Variants in SPTBN2 observed in about 807,000 individuals in gnomAD.
The protein encoded by SPTBN2 is spectrin beta, non-erythrocytic 2, also known as spectrin beta chain, non-erythrocytic 2.
Under a neutral mutation model 284.2 loss-of-function variants are expected in SPTBN2, and 107 were observed. The observed-to-expected ratio is 0.38, with a 90% confidence interval of 0.32 to 0.44. The LOEUF is 0.44. SPTBN2 is among the 20% of genes least tolerant of loss of function. The pLI, the probability that SPTBN2 is intolerant of heterozygous loss-of-function variation, is 1.00. For synonymous variants in SPTBN2, 1,289 were observed against 1,354.8 expected (o/e 0.95, Z 1.07); for missense variants, 2,569 against 3,287.1 (o/e 0.78, Z 5.34).
At chr11:66,728,542 T>C (rs1419134700) in intron 1 of SPTBN2, 199 bp downstream of exon 1, 2 of 150,238 alleles carry the variant, frequency 1.3e-5, no homozygotes, top group East Asian at 4.0e-4. Context: ...GAGGCCCCTC[T>C]CGGTGCTCCC....
At chr11:66,742,766 C>T (rs1018299008) in intron 1 of SPTBN2, among the ~76,000 whole-genome samples, 16 of 152,200 alleles carry the variant, frequency 1.1e-4, no homozygotes, top group East Asian at 7.7e-4. Flanking sequence ...CATGCCAACA[C>T]GCCTGGCTAA....
In SPTBN2 at chr11:66,690,299, T is replaced by C. The variant is rs565636628; in HGVS notation, c.5566-16A>G. 6.3e-7 allele frequency: 1 copy of C among 1,596,836 alleles called. No homozygotes were observed. Among genetic ancestry groups the C allele is most frequent in the African/African-American group, 1.3e-5 (1 of 74,652 alleles). Reference sequence around the variant, plus strand: ...CCTGCTGGACCTGCGGAGCCCCGGGTCAGAGTCAGGCAGAGCGGGGGACTC... The same window carrying C: ...CCTGCTGGACCTGCGGAGCCCCGGGCCAGAGTCAGGCAGAGCGGGGGACTC... On this transcript the variant is annotated splice_polypyrimidine_tract_variant and intron_variant, in intron 27 of 37. Transcript: ENST00000533211.
chr11:66,694,457 G>T, intron 21 of SPTBN2, 94 bp from the exon 22 acceptor site: 2 of 1,320,754 alleles, frequency 1.5e-6, no homozygotes, highest in Non-Finnish European at 2.1e-6. Context: ...GCCCACTGTG[G>T]CTGCTCATCA....
Position 66,715,095 on chromosome 11 carries a change from T to A in SPTBN2, c.483+127A>T, listed in dbSNP as rs1942076041. On this transcript the variant is annotated intron_variant, in intron 5 of 37. Coordinates refer to ENST00000533211, the MANE Select transcript of SPTBN2 (RefSeq NM_006946.4). This position sits in a 1 kb window ranked among gnomAD's most constrained non-coding sequence, Gnocchi z 5.3. ...ATCTGGTGCTTGGATAGCGCCGCCATGGCAGCTGCTACATAAGGTTCTAGA... is the reference window on the plus strand; with the variant it reads ...ATCTGGTGCTTGGATAGCGCCGCCAAGGCAGCTGCTACATAAGGTTCTAGA... 8.2e-7 allele frequency: 1 copy of A among 1,223,276 alleles called. No homozygotes were observed. Among genetic ancestry groups the A allele is most frequent in the African/African-American group, 1.5e-5 (1 of 66,980 alleles). 75.8% of individuals were successfully genotyped at this position (1,223,276 alleles called of 1,614,324 possible). A position where few individuals can be genotyped will look rare whatever the true frequency, so the allele number is the denominator to read the frequency against.
At chr11:66,722,769 T>G (rs1942476983) in intron 1 of SPTBN2, among the ~76,000 whole-genome samples, 1 of 151,582 alleles carries the variant, frequency 6.6e-6, no homozygotes, top group South Asian at 2.1e-4. Context: ...AGCACACGAC[T>G]GTAGTCCTAG....
chr11:66,694,461 C>A, intron 21 of SPTBN2, 98 bp from the exon 22 acceptor site: 1 of 1,246,124 alleles, frequency 8.0e-7, no homozygotes, highest in Non-Finnish European at 1.1e-6. Context: ...ACTGTGGCTG[C>A]TCATCACTGC....
chr11:66,735,598 G>A (rs2135608440), intron 1 of SPTBN2, among the ~76,000 whole-genome samples: 1 of 152,280 alleles, frequency 6.6e-6, no homozygotes, highest in South Asian at 2.1e-4. Context: ...TATGGTCCCA[G>A]ATACTTGGGT....
intron 8 of SPTBN2, chr11:66,712,579 T>TGATCTCATC (rs1327666429): frequency 6.6e-6 from 1 of 151,368 alleles, no homozygotes; most frequent in East Asian, 1.9e-4. Flanking sequence ...TGGCTGTTAC[T>TGATCTCATC]GATCTCATCG....
chr11:66,743,554 A>G (rs150852728), intron 1 of SPTBN2, among the ~76,000 whole-genome samples: 2,031 of 152,326 alleles, frequency 0.013, 21 homozygotes, highest in Non-Finnish European at 0.019. Context: ...TCAGATCACC[A>G]GCAGTTATAG....
chr11:66,715,884 G>A lies in SPTBN2; in HGVS notation c.255C>T (p.Leu85=), dbSNP rs1196818691. ...TCRVGDLYSD[L]RDGRNLLRLL... ...GCCTCAGCAGGTTGCGTCCGTCCCGGAGGTCGCTGTACAGGTCCCCCACCC... is the reference window on the plus strand; with the variant it reads ...GCCTCAGCAGGTTGCGTCCGTCCCGAAGGTCGCTGTACAGGTCCCCCACCC... Residue 85 remains leucine (L), a synonymous_variant, in exon 4 of 38, where the codon CTC becomes CTT. Coordinates refer to ENST00000533211, the MANE Select transcript of SPTBN2 (RefSeq NM_006946.4). This position sits in a 1 kb window ranked among gnomAD's most constrained non-coding sequence, Gnocchi z 5.3. 1.2e-6 allele frequency: 2 copies of A among 1,614,092 alleles called. No homozygotes were observed. The highest frequency in any genetic ancestry group is 1.7e-6 in the Non-Finnish European group (2 of 1,180,030).
chr11:66,711,143 CT>C, intron 8 of SPTBN2, 114 bp from the exon 9 acceptor site: 4 of 822,042 alleles, frequency 4.9e-6, no homozygotes, highest in Non-Finnish European at 8.4e-6. Context: ...TCTCCATCTC[CT>C]TTTAGAGCAA....
chr11:66,693,683 A>C lies in SPTBN2; in HGVS notation c.4593+89T>G. ...ACTGAAGTCCAGGGTTACACTCAGC[A>C]TCGAGGGGGGCCTGGTCTTAAGAAA... On this transcript the variant is annotated intron_variant, in intron 23 of 37. Transcript: ENST00000533211. The surrounding 1 kb of genome is among the most constrained non-coding windows in gnomAD (Gnocchi z 5.7). 7.2e-7 allele frequency: 1 copy of C among 1,386,422 alleles called. No homozygotes were observed. Among genetic ancestry groups the C allele is most frequent in the Admixed American group, 2.0e-5 (1 of 50,844 alleles). 85.9% of individuals were successfully genotyped at this position (1,386,422 alleles called of 1,614,324 possible).
chr11:66,743,010 C>T (rs1942909249), intron 1 of SPTBN2, among the ~76,000 whole-genome samples: 1 of 152,038 alleles, frequency 6.6e-6, no homozygotes, highest in Non-Finnish European at 1.5e-5. Flanking sequence ...GAGAGGATGA[C>T]ATCATTTATG....
upstream of SPTBN2, among the ~76,000 whole-genome samples, chr11:66,732,894 AGACGGAG>A (rs1942823322): frequency 1.3e-5 from 2 of 151,108 alleles, no homozygotes; most frequent in Non-Finnish European, 2.9e-5. Flanking sequence ...TGAGCCCAGG[AGACGGAG>A]GCTACAGTGA....
chr11:66,738,170 A>G (rs1565166878), intron 1 of SPTBN2, among the ~76,000 whole-genome samples: 1 of 152,192 alleles, frequency 6.6e-6, no homozygotes, highest in Non-Finnish European at 1.5e-5. Context: ...AGCTGAGATC[A>G]CACCACTGTA....
rs924036689 is a variant in SPTBN2, at chr11:66,718,944, C to T, written c.157+2140G>A. ...TGCGGGGCGGCGGAGGAGGGCACTG[C>T]CAGCGCCTTCAAGACCCGCCCATCA... is the stretch of plus-strand genomic sequence containing the variant. On this transcript the variant is annotated intron_variant, in intron 3 of 37. Coordinates refer to ENST00000533211, the MANE Select transcript of SPTBN2 (RefSeq NM_006946.4). The surrounding 1 kb of genome is among the most constrained non-coding windows in gnomAD (Gnocchi z 4.8). Among the ~76,000 whole-genome samples, 2 of 152,188 alleles carry T rather than the reference C, an allele frequency of 1.3e-5. No homozygotes were observed. Among genetic ancestry groups the T allele is most frequent in the African/African-American group, 4.8e-5 (2 of 41,454 alleles).
intron 1 of SPTBN2, 139 bp from the exon 2 acceptor site, chr11:66,721,579 T>G (rs1360503613): frequency 2.5e-6 from 1 of 405,156 alleles, no homozygotes; most frequent in African/African-American, 2.1e-5. Context: ...AAAGGGGTGA[T>G]GGGCTTCAGT....
chr11:66,706,734 A>G (rs1160315569), intron 13 of SPTBN2, among the ~76,000 whole-genome samples: 3 of 150,634 alleles, frequency 2.0e-5, no homozygotes, highest in African/African-American at 7.4e-5. Flanking sequence ...GGTTCAAGCG[A>G]TTCTGCTGTC....
chr11:66,711,239 C>T (rs981523111), intron 8 of SPTBN2, among the ~76,000 whole-genome samples: 1 of 152,148 alleles, frequency 6.6e-6, no homozygotes, highest in East Asian at 1.9e-4. Flanking sequence ...AAGGGCCCTC[C>T]AAGCAGAGCA....
Sources: gnomAD v4.1 joint callset for allele counts (sites outside exome capture counted in the v4.1 genomes callset) on GRCh38, gnomAD v4.1.1 for gene constraint, Gnocchi (gnomAD v3.1) non-coding constraint, MANE v1.5 for transcripts, NCBI Gene and HGNC (gene_info 2026-07-23, HGNC 2026-07-21) for gene names.